NLRP5: variants seen among roughly 807,000 people sequenced by gnomAD.
The protein encoded by NLRP5 is NLR family pyrin domain containing 5, also known as NACHT, LRR and PYD domains-containing protein 5.
A neutral mutation model predicts 113.1 loss-of-function variants in NLRP5; 93 were observed. The observed-to-expected ratio is 0.82, with a 90% CI of 0.70 to 0.98. The LOEUF (loss-of-function observed/expected upper bound fraction) is 0.98. Among genes scored for constraint, NLRP5 ranks in the 50% least tolerant of loss-of-function variants. The pLI is 0.00. For missense variants in NLRP5, 1,808 were observed against 1,514.3 expected, an observed-to-expected ratio of 1.19 and a Z score of -3.22; for synonymous variants, 751 against 600.7, an observed-to-expected ratio of 1.25 and a Z score of -3.66.
At chr19:56,054,662 C>T (rs1984062038) in intron 13 of NLRP5, among the ~76,000 whole-genome samples, 1 of 151,712 alleles carries the variant, frequency 6.6e-6, no homozygotes, top group Admixed American at 6.6e-5. Flanking sequence ...CAAAAGGTCA[C>T]CTGGTGTATA....
At chr19:56,059,144 G>A (rs1021983783) in intron 14 of NLRP5, among the ~76,000 whole-genome samples, 6 of 152,138 alleles carry the variant, frequency 3.9e-5, no homozygotes, top group African/African-American at 9.7e-5. Flanking sequence ...TTGCACAGCC[G>A]TGTGAATGTA....
intron 13 of NLRP5, among the ~76,000 whole-genome samples, chr19:56,055,144 A>G (rs917340318): frequency 6.6e-6 from 1 of 151,786 alleles, no homozygotes; most frequent in African/African-American, 2.4e-5. Context: ...GCCTGCCACC[A>G]TGCCCGGCTA....
At chr19:56,037,657 C>T (rs1983366681) in intron 9 of NLRP5, among the ~76,000 whole-genome samples, 1 of 146,282 alleles carries the variant, frequency 6.8e-6, no homozygotes, top group African/African-American at 2.6e-5. Context: ...TGCGCCACTG[C>T]ACTCCAGCCT....
chr19:55,996,004 A>G (rs1599871640), upstream of NLRP5, among the ~76,000 whole-genome samples: 1 of 149,842 alleles, frequency 6.7e-6, no homozygotes, highest in Non-Finnish European at 1.5e-5. Flanking sequence ...TTGATTCTGC[A>G]ACTTTACTGA....
intron 13 of NLRP5, among the ~76,000 whole-genome samples, chr19:56,055,715 T>C (rs989635283): frequency 6.6e-6 from 1 of 151,528 alleles, no homozygotes; most frequent in Non-Finnish European, 1.5e-5. Context: ...CCGGCTAATT[T>C]TTTGTATTTT....
intron 6 of NLRP5, among the ~76,000 whole-genome samples, chr19:56,022,788 G>C (rs778786751): frequency 6.6e-6 from 1 of 152,002 alleles, no homozygotes; most frequent in African/African-American, 2.4e-5. Flanking sequence ...GCAATGGCGC[G>C]ATCTCAGCTC....
chr19:56,042,976 T>C (rs976070232), intron 11 of NLRP5, among the ~76,000 whole-genome samples: 27 of 152,318 alleles, frequency 1.8e-4, no homozygotes, highest in African/African-American at 5.8e-4. Flanking sequence ...TGTATGTGTG[T>C]GTGTGTGTGT....
rs563714752 is a variant in NLRP5, at chr19:56,014,253, G to A, written c.509-1489G>A. On this transcript the variant is annotated intron_variant, in intron 3 of 14. Coordinates refer to ENST00000390649, the MANE Select transcript of NLRP5 (RefSeq NM_153447.4). ...TCCCAGCACTTTGGGAGGCCAAGGC[G>A]GTGGATCACAAGATCAGGATATCCA... Among the ~76,000 whole-genome samples, 9 of 152,072 alleles carry A rather than the reference G, an allele frequency of 5.9e-5. No homozygotes were observed. The East Asian group carries it at 9.7e-4, about 16-fold the overall frequency.
Position 56,020,306 on chromosome 19 carries a change from T to A in NLRP5, c.623-69T>A, listed in dbSNP as rs1357763697. The A allele has an allele frequency of 5.7e-6, 9 of 1,582,464 alleles. No homozygotes were observed. The African/African-American group carries it at 6.8e-5, about 12-fold the overall frequency. ...AATAAATATGGCATGACTAAGCTTA[T>A]CTTGGGGGTGTCTGACATCTCTGAC... On this transcript the variant is annotated intron_variant, in intron 5 of 14. Coordinates refer to ENST00000390649, the MANE Select transcript of NLRP5 (RefSeq NM_153447.4).
chr19:56,027,015 C>G lies in NLRP5; in HGVS notation c.782C>G (p.Pro261Arg). 4 of 1,551,990 alleles carry G rather than the reference C, an allele frequency of 2.6e-6. No individual in the cohort carries two copies. The South Asian group carries it at 3.6e-5, about 14-fold the overall frequency. Residue 261 changes from proline (P) to arginine (R), a missense_variant, in exon 7 of 15, where the codon CCG (proline) becomes CGG (arginine). Pro to Arg is a moderately radical substitution (Grantham distance 103). Transcript: ENST00000390649. ...TTTGAAAACACTGCTGCTGACTGGC[C>G]GGAAATGCAAACGTTGGCTGGTGCT...
upstream of NLRP5, among the ~76,000 whole-genome samples, chr19:55,996,797 C>T (rs150893936): frequency 2.6e-3 from 393 of 152,228 alleles, no homozygotes; most frequent in African/African-American, 5.3e-3. Context: ...AATAAACATA[C>T]GTGTGCATGT....
At chr19:56,037,942 C>T (rs1277726658) in intron 9 of NLRP5, 83 bp from the exon 10 acceptor site, 23 of 1,424,646 alleles carry the variant, frequency 1.6e-5, no homozygotes, top group East Asian at 2.3e-5. Context: ...AAACGGCCAG[C>T]GCTGCTGGCG....
chr19:56,011,158 A>AT (rs1555765000), intron 3 of NLRP5, among the ~76,000 whole-genome samples: 2 of 145,124 alleles, frequency 1.4e-5, no homozygotes, highest in African/African-American at 5.0e-5. Context: ...GTCTTTAAAA[A>AT]ATATATATAC....
At chr19:56,061,350 G>A in intron 14 of NLRP5, 46 bp from the exon 15 acceptor site, 1 of 1,597,220 alleles carries the variant, frequency 6.3e-7, no homozygotes. Context: ...AGGGAGAAGA[G>A]TCGAAAGCAA....
chr19:56,032,053 G>A lies in NLRP5; in HGVS notation c.2277-558G>A, dbSNP rs10411105. Among the ~76,000 whole-genome samples, 240 of 152,170 alleles carry A rather than the reference G, an allele frequency of 1.6e-3. 1 individual carries two copies. The highest frequency in any genetic ancestry group is 4.8e-3 in the African/African-American group (199 of 41,530). On this transcript the variant is annotated intron_variant, in intron 7 of 14. Coordinates refer to ENST00000390649, the MANE Select transcript of NLRP5 (RefSeq NM_153447.4). ...GGGGCTGGAATTGAAGCAAAGATCT[G>A]ATGCAGGGCTGGGCACGGTGGTGGC... is the stretch of plus-strand genomic sequence containing the variant.
intron 13 of NLRP5, among the ~76,000 whole-genome samples, 200 bp from the exon 14 acceptor site, chr19:56,058,040 A>C (rs866147464): frequency 2.0e-4 from 31 of 152,000 alleles, no homozygotes; most frequent in Middle Eastern, 3.4e-3. Context: ...AAAAAAAAAA[A>C]AAAAGGCGAA....
At chr19:56,047,832 C>G (rs1983784307) in intron 11 of NLRP5, among the ~76,000 whole-genome samples, 1 of 152,096 alleles carries the variant, frequency 6.6e-6, no homozygotes, top group Non-Finnish European at 1.5e-5. Flanking sequence ...TTGAAGTCCC[C>G]CAGTATTACT....
intron 6 of NLRP5, among the ~76,000 whole-genome samples, chr19:56,024,969 G>C (rs1163556201): frequency 2.0e-5 from 3 of 152,082 alleles, no homozygotes; most frequent in African/African-American, 4.8e-5. Context: ...TCTGCCTCCT[G>C]TCAGATCGGA....
chr19:55,987,771 A>C, the NLRP5 span: 28 of 1,461,472 alleles, frequency 1.9e-5, no homozygotes, highest in African/African-American at 3.5e-4. Flanking sequence ...ACTCATCCTC[A>C]GAAAATAACC....
Sources: gnomAD v4.1 joint callset for allele counts (sites outside exome capture counted in the v4.1 genomes callset) on GRCh38, gnomAD v4.1.1 for gene constraint, MANE v1.5 for transcripts, NCBI Gene and HGNC (gene_info 2026-07-23, HGNC 2026-07-21) for gene names.